The following RARB variants were observed in gnomAD, a reference collection of about 807,000 sequenced individuals.
RARB encodes the protein retinoic acid receptor beta.
RARB carries 17 observed loss-of-function variants against 51.9 expected under a neutral mutation model. The ratio of observed to expected loss-of-function variants is 0.33; its 90% CI spans 0.22 to 0.49. The LOEUF is 0.49. Ranked by LOEUF, RARB falls within the 20% of genes least tolerant of loss-of-function variation. The pLI is 0.99. For synonymous variants in RARB, 215 were observed against 195.4 expected, an observed-to-expected ratio of 1.10 and a Z score of -0.84; for missense variants, 369 against 550.8, an observed-to-expected ratio of 0.67 and a Z score of 3.30.
intron 5 of RARB, among the ~76,000 whole-genome samples, chr3:25,303,513 C>T (rs1394627942): frequency 6.6e-6 from 1 of 152,152 alleles, no homozygotes; most frequent in Non-Finnish European, 1.5e-5. Flanking sequence ...AAAATGAAGA[C>T]CCGTGTCCCC....
intron 3 of RARB, among the ~76,000 whole-genome samples, chr3:25,068,549 T>G (rs981703476): frequency 3.9e-5 from 6 of 152,222 alleles, no homozygotes; most frequent in African/African-American, 1.4e-4. Context: ...TTCTGGTTAA[T>G]GACATCAAGA....
chr3:25,142,513 G>A (rs1201051585), intron 4 of RARB, among the ~76,000 whole-genome samples: 1 of 151,804 alleles, frequency 6.6e-6, no homozygotes, highest in Non-Finnish European at 1.5e-5. Context: ...ATAATACTTT[G>A]AGGCAAAGAT....
chr3:24,862,310 C>T (rs543881814), intron 2 of RARB, among the ~76,000 whole-genome samples: 10 of 152,162 alleles, frequency 6.6e-5, no homozygotes, highest in East Asian at 5.8e-4. Context: ...TATAAGGTAG[C>T]GAATTATATG....
chr3:25,275,869 C>T (rs550792811), intron 5 of RARB, among the ~76,000 whole-genome samples: 1 of 152,304 alleles, frequency 6.6e-6, no homozygotes, highest in Non-Finnish European at 1.5e-5. Flanking sequence ...TACATGTATA[C>T]ATATGTAACA....
intron 5 of RARB, among the ~76,000 whole-genome samples, chr3:25,195,759 A>T (rs190537143): frequency 3.3e-5 from 5 of 152,066 alleles, no homozygotes; most frequent in African/African-American, 1.2e-4. Flanking sequence ...TTAAAATTCT[A>T]TGTAGAAATT....
intron 2 of RARB, among the ~76,000 whole-genome samples, chr3:24,977,036 G>A (rs1696531833): frequency 6.6e-6 from 1 of 152,082 alleles, no homozygotes; most frequent in Non-Finnish European, 1.5e-5. Context: ...CCCATTTCTT[G>A]TTTTTGTCAG....
Position 25,391,625 on chromosome 3 carries a change from A to G in RARB, c.179-69568A>G, listed in dbSNP as rs73157862. Among the ~76,000 whole-genome samples, 831 of 152,216 alleles carry G rather than the reference A, an allele frequency of 5.5e-3. 7 individuals carry two copies. The highest frequency in any genetic ancestry group is 0.019 in the African/African-American group (785 of 41,522). On this transcript the variant is annotated intron_variant, in intron 5 of 11. Coordinates refer to the RARB transcript ENST00000383772. ...GTATCACATTGAGGTTTTGATTTCT[A>G]TTGCCCTGAAAATTAGTGATGTGGG...
chr3:25,044,627 C>A (rs1698177867), intron 2 of RARB, among the ~76,000 whole-genome samples: 1 of 152,150 alleles, frequency 6.6e-6, no homozygotes, highest in Non-Finnish European at 1.5e-5. Context: ...TGAAATATTT[C>A]TAGGGAAGTA....
intron 3 of RARB, among the ~76,000 whole-genome samples, chr3:25,092,742 T>C (rs1341858788): frequency 6.6e-6 from 1 of 152,166 alleles, no homozygotes; most frequent in Admixed American, 6.5e-5. Context: ...CATGTAATTG[T>C]TACTGGTTAT....
intron 1 of RARB, among the ~76,000 whole-genome samples, chr3:24,847,459 G>T (rs2125333863): frequency 6.6e-6 from 1 of 152,282 alleles, no homozygotes; most frequent in Middle Eastern, 3.4e-3. Flanking sequence ...CTTTCCTTAT[G>T]TGAAGACCAC....
At chr3:25,463,661 CAAAA>C (rs200673086) in intron 2 of RARB, among the ~76,000 whole-genome samples, 1 of 120,478 alleles carries the variant, frequency 8.3e-6, no homozygotes, top group Non-Finnish European at 1.8e-5. Flanking sequence ...GACTCCATCT[CAAAA>C]AAAAAAAAAA....
intron 4 of RARB, among the ~76,000 whole-genome samples, chr3:25,577,203 T>G (rs1285495283): frequency 6.6e-6 from 1 of 152,272 alleles, no homozygotes; most frequent in Middle Eastern, 3.4e-3. Context: ...CACCCTCCGG[T>G]TCGCCCGCGG....
rs189084153 is a variant in RARB at position 24,989,146 on chromosome 3, A to G, written c.-379-70979A>G. Among the ~76,000 whole-genome samples, 283 of 152,264 alleles carry G rather than the reference A, an allele frequency of 1.9e-3. 1 individual carries two copies. The highest frequency in any genetic ancestry group is 6.8e-3 in the Middle Eastern group (2 of 294). ...CGGCCCACTTATTGTTTATTTTTAT[A>G]TAATTCTGCAGTGCTTTTCCTTGTA... On this transcript the variant is annotated intron_variant, in intron 2 of 11. Coordinates refer to the RARB transcript ENST00000383772.
At chr3:25,518,831 A>G (rs1292288362) in intron 3 of RARB, among the ~76,000 whole-genome samples, 1 of 152,162 alleles carries the variant, frequency 6.6e-6, no homozygotes, top group Admixed American at 6.6e-5. Flanking sequence ...CAGACTTTTA[A>G]GTGTACTGTT....
At chr3:24,829,611 TC>T (rs1211172715) in intron 1 of RARB, among the ~76,000 whole-genome samples, 1 of 152,184 alleles carries the variant, frequency 6.6e-6, no homozygotes, top group Admixed American at 6.5e-5. Flanking sequence ...CCGCGACCGA[TC>T]CCAGGACATC....
At chr3:25,470,183 A>G (rs1266764259) in intron 2 of RARB, among the ~76,000 whole-genome samples, 3 of 152,214 alleles carry the variant, frequency 2.0e-5, no homozygotes, top group Non-Finnish European at 2.9e-5. Context: ...TAAGTGCCTA[A>G]TTAGATAAGC....
intron 3 of RARB, among the ~76,000 whole-genome samples, chr3:25,131,019 A>C (rs1353111860): frequency 1.4e-5 from 2 of 145,572 alleles, no homozygotes; most frequent in Non-Finnish European, 3.0e-5. Context: ...TATCAATGAA[A>C]TTATATATTT....
intron 5 of RARB, among the ~76,000 whole-genome samples, chr3:25,347,581 G>A (rs571231711): frequency 5.3e-5 from 8 of 152,020 alleles, no homozygotes; most frequent in East Asian, 1.9e-4. Flanking sequence ...TTTTCCAAAC[G>A]CAGTGACAAA....
intron 1 of RARB, among the ~76,000 whole-genome samples, chr3:25,443,421 CTT>C (rs5847355): frequency 1.3e-5 from 2 of 149,968 alleles, no homozygotes; most frequent in East Asian, 3.9e-4. Context: ...CCCACCACCC[CTT>C]TTTTTTTGGC....
Sources: gnomAD v4.1 joint callset for allele counts (sites outside exome capture counted in the v4.1 genomes callset) on GRCh38, gnomAD v4.1.1 for gene constraint, MANE v1.5 for transcripts, NCBI Gene and HGNC (gene_info 2026-07-23, HGNC 2026-07-21) for gene names.